MYO16: variants seen among roughly 807,000 people sequenced by gnomAD.
The protein encoded by MYO16 is myosin XVI, also known as unconventional myosin-XVI.
In MYO16, 94 loss-of-function variants were observed where a neutral mutation model predicts 205.3. The ratio of observed to expected loss-of-function variants is 0.46; its 90% confidence interval spans 0.39 to 0.54. The LOEUF is 0.54. Ranked by LOEUF, MYO16 falls within the 20% of genes least tolerant of loss-of-function variation. The pLI is 0.00. For synonymous variants in MYO16, 988 were observed against 954.0 expected (o/e 1.04, Z -0.66); for missense variants, 2,315 against 2,387.5 (o/e 0.97, Z 0.63).
chr13:108,809,558 T>G (rs576338793), intron 7 of MYO16, among the ~76,000 whole-genome samples: 1 of 152,202 alleles, frequency 6.6e-6, no homozygotes, highest in African/African-American at 2.4e-5. Flanking sequence ...AGTTGGGGGA[T>G]GTATGCTTCG....
intron 1 of MYO16, among the ~76,000 whole-genome samples, chr13:108,659,012 T>C (rs1881369463): frequency 6.6e-6 from 1 of 151,776 alleles, no homozygotes; most frequent in Non-Finnish European, 1.5e-5. Context: ...TTATTCTAGA[T>C]GACATGGGGC....
At chr13:108,827,625 C>T (rs1876346749) in intron 9 of MYO16, among the ~76,000 whole-genome samples, 1 of 152,136 alleles carries the variant, frequency 6.6e-6, no homozygotes, top group Admixed American at 6.6e-5. Context: ...GCCCTTCCAC[C>T]TGTAACATTC....
chr13:108,838,374 G>A (rs1207329771), intron 9 of MYO16, among the ~76,000 whole-genome samples: 2 of 151,918 alleles, frequency 1.3e-5, no homozygotes, highest in Non-Finnish European at 1.5e-5. Flanking sequence ...ATAGGGAAAG[G>A]CCATGAACGG....
rs190848894 is a variant in MYO16 at position 109,025,163 on chromosome 13, C to T, written c.2796+5252C>T. The stretch of plus-strand genomic sequence containing the variant: ...ACTTGCTCCTCCACGATGGGATTAC[C>T]TGGTCTTTTTACTGGAAATTCATTA... On this transcript the variant is annotated intron_variant, in intron 23 of 34. Transcript: ENST00000457511. Among the ~76,000 whole-genome samples, 39 of 152,242 alleles carry T rather than the reference C, an allele frequency of 2.6e-4. No homozygotes were observed. The Middle Eastern group carries it at 0.014, about 53-fold the overall frequency.
chr13:108,655,741 T>C (rs553182374), intron 1 of MYO16, among the ~76,000 whole-genome samples: 14 of 152,296 alleles, frequency 9.2e-5, no homozygotes, highest in African/African-American at 3.4e-4. Flanking sequence ...AACCTACCTC[T>C]TGCATCAATG....
intron 34 of MYO16, among the ~76,000 whole-genome samples, chr13:109,189,131 A>G (rs973342232): frequency 6.6e-6 from 1 of 152,066 alleles, no homozygotes; most frequent in Non-Finnish European, 1.5e-5. Flanking sequence ...CACATCCAGC[A>G]TAGAAGAAAG....
chr13:108,909,261 A>G (rs967775945), intron 15 of MYO16, among the ~76,000 whole-genome samples: 2 of 149,756 alleles, frequency 1.3e-5, no homozygotes, highest in African/African-American at 5.1e-5. Flanking sequence ...CCTTGTATTT[A>G]TGCATTGGGT....
chr13:108,997,998 T>C (rs545625655), intron 21 of MYO16, among the ~76,000 whole-genome samples: 1 of 152,326 alleles, frequency 6.6e-6, no homozygotes, highest in Admixed American at 6.5e-5. Context: ...GACCTGGGCT[T>C]GGGCTATGTG....
chr13:108,683,560 TG>T (rs1210019196), intron 2 of MYO16, among the ~76,000 whole-genome samples: 2 of 152,230 alleles, frequency 1.3e-5, no homozygotes, highest in Non-Finnish European at 2.9e-5. Context: ...AAGCTCTAAC[TG>T]GGCTAAGCAC....
chr13:108,499,514 C>A, the MYO16 span, among the ~76,000 whole-genome samples: 1 of 152,168 alleles, frequency 6.6e-6, no homozygotes, highest in Non-Finnish European at 1.5e-5. Flanking sequence ...TGGGCGCACC[C>A]CCAACCCCCC....
chr13:109,147,445 C>T (rs1353135696), intron 32 of MYO16, among the ~76,000 whole-genome samples: 1 of 152,156 alleles, frequency 6.6e-6, no homozygotes, highest in Non-Finnish European at 1.5e-5. Flanking sequence ...ATGTTTGAAA[C>T]AGAAGTTCCA....
intron 13 of MYO16, among the ~76,000 whole-genome samples, chr13:108,888,006 T>C (rs1879982924): frequency 6.6e-6 from 1 of 152,142 alleles, no homozygotes; most frequent in Admixed American, 6.5e-5. Context: ...GTTGGTTATG[T>C]CTTCTTCTCA....
At chr13:108,739,933 A>C (rs1204552511) in intron 4 of MYO16, among the ~76,000 whole-genome samples, 1 of 152,292 alleles carries the variant, frequency 6.6e-6, no homozygotes, top group South Asian at 2.1e-4. Flanking sequence ...CAAATCGGTT[A>C]CTGAAGCTTG....
At chr13:108,965,975 T>C (rs937104770) in intron 20 of MYO16, among the ~76,000 whole-genome samples, 3 of 152,156 alleles carry the variant, frequency 2.0e-5, no homozygotes, top group Admixed American at 6.5e-5. Context: ...TTGGAAAACA[T>C]TAGAACTAAT....
At chr13:108,743,471 T>C (rs1014781206) in intron 4 of MYO16, among the ~76,000 whole-genome samples, 2 of 152,334 alleles carry the variant, frequency 1.3e-5, no homozygotes, top group East Asian at 3.9e-4. Flanking sequence ...AGGAGCTCTT[T>C]AAAGATTTTT....
At chr13:108,767,575 G>C (rs866174299) in intron 4 of MYO16, among the ~76,000 whole-genome samples, 2 of 152,088 alleles carry the variant, frequency 1.3e-5, no homozygotes, top group Non-Finnish European at 2.9e-5. Context: ...AGTATTCTGG[G>C]AATACCATTT....
At chr13:108,628,697 T>C (rs185301039), upstream of MYO16, among the ~76,000 whole-genome samples, 3 of 152,324 alleles carry the variant, frequency 2.0e-5, no homozygotes, top group Non-Finnish European at 2.9e-5. Context: ...CATAATCTTC[T>C]AGTTTAATAA....
the MYO16 span, among the ~76,000 whole-genome samples, chr13:108,509,460 C>T: frequency 2.4e-4 from 37 of 152,284 alleles, 1 homozygote; most frequent in Admixed American, 2.2e-3. Flanking sequence ...GGTTGACTGT[C>T]GGATTGTGTA....
intron 16 of MYO16, among the ~76,000 whole-genome samples, chr13:108,914,244 T>A (rs4773004): frequency 0.59 from 87,881 of 148,794 alleles, 26,160 homozygotes; most frequent in East Asian, 0.77. Flanking sequence ...TGTATTATAT[T>A]TACTATATTA....
Sources: allele counts gnomAD v4.1 joint callset (sites outside exome capture counted in the v4.1 genomes callset), GRCh38; gene constraint gnomAD v4.1.1; transcripts MANE v1.5; gene names NCBI Gene and HGNC (gene_info 2026-07-23, HGNC 2026-07-21).